The following MTUS1 variants were observed in gnomAD, a reference collection of about 807,000 sequenced individuals.
MTUS1 encodes microtubule associated scaffold protein 1.
In MTUS1, 109 loss-of-function variants were observed where a neutral mutation model predicts 120.8. The ratio of observed to expected loss-of-function variants is 0.90; its 90% CI spans 0.77 to 1.06. MTUS1 has a LOEUF of 1.06. Among genes scored for constraint, MTUS1 ranks in the 50% least tolerant of loss-of-function variants. The pLI is 0.00. For synonymous variants in MTUS1, 737 were observed against 550.5 expected (o/e 1.34, Z -4.74); for missense variants, 2,210 against 1,486.3 (o/e 1.49, Z -8.01).
chr8:17,700,804 A>T (rs1418570690), intron 6 of MTUS1, among the ~76,000 whole-genome samples: 6 of 152,248 alleles, frequency 3.9e-5, no homozygotes, highest in Non-Finnish European at 8.8e-5. Flanking sequence ...ACAAAGAAAA[A>T]TAAACGATGT....
At chr8:17,659,953 C>G (rs1475778913) in intron 8 of MTUS1, among the ~76,000 whole-genome samples, 2 of 152,124 alleles carry the variant, frequency 1.3e-5, no homozygotes, top group African/African-American at 4.8e-5. Flanking sequence ...CATTCAGTAC[C>G]TCATATACCT....
intron 1 of MTUS1, among the ~76,000 whole-genome samples, chr8:17,759,217 A>C (rs933802541): frequency 1.3e-5 from 2 of 151,900 alleles, no homozygotes; most frequent in African/African-American, 2.4e-5. Flanking sequence ...TAAGAGGATA[A>C]ATAATTTTAT....
chr8:17,653,514 G>C lies in MTUS1; in HGVS notation c.3215-16C>G. ...TTCTTAATTTCTGGGAAAATAAACG[G>C]ATATTTTTGAGGCAATAACATTCTA... On this transcript the variant is annotated splice_polypyrimidine_tract_variant and intron_variant, in intron 10 of 14. Coordinates refer to ENST00000693296, the MANE Select transcript of MTUS1 (RefSeq NM_001363059.2). The C allele has an allele frequency of 1.3e-6, 2 of 1,576,154 alleles. No homozygotes were observed. The highest frequency in any genetic ancestry group is 1.7e-6 in the Non-Finnish European group (2 of 1,149,374).
At chr8:17,762,751 C>G (rs1325711307) in intron 1 of MTUS1, among the ~76,000 whole-genome samples, 3 of 151,410 alleles carry the variant, frequency 2.0e-5, no homozygotes, top group Non-Finnish European at 4.4e-5. Flanking sequence ...CAGTATTTCT[C>G]TGACTTTAAT....
At position 17,684,524 on chromosome 8, in the gene MTUS1, T is replaced by C. The variant is rs769198881; in HGVS notation, c.2642A>G (p.Lys881Arg). Residue 881 changes from lysine to arginine, a missense_variant, in exon 7 of 15, where the codon AAG becomes AGG. Transcript: ENST00000693296. ...ALNAVEKSRQ[K>R]NPRSLCIQPQ... ...CTGGATACATAAGCTTCGAGGATTC[T>C]TTTGCCTGCTCTTTTCAACTGCAAA... 1.9e-6 allele frequency: 3 copies of C among 1,613,746 alleles called. No homozygotes were observed. The highest frequency in any genetic ancestry group is 2.2e-5 in the South Asian group (2 of 91,080).
intron 8 of MTUS1, 90 bp from the exon 9 acceptor site, chr8:17,656,155 C>G: frequency 8.8e-7 from 1 of 1,136,556 alleles, no homozygotes; most frequent in Non-Finnish European, 1.3e-6. Flanking sequence ...TGTGATGACA[C>G]CTGAAGCATA....
chr8:17,648,433 G>C (rs1222858444), intron 13 of MTUS1, among the ~76,000 whole-genome samples: 1 of 152,164 alleles, frequency 6.6e-6, no homozygotes, highest in Non-Finnish European at 1.5e-5. Context: ...TTTTTTGAAA[G>C]TTTTGATGCA....
intron 4 of MTUS1, among the ~76,000 whole-genome samples, chr8:17,717,097 T>A (rs1822484577): frequency 6.6e-6 from 1 of 152,214 alleles, no homozygotes; most frequent in South Asian, 2.1e-4. Context: ...ACATTCAAAC[T>A]TTGTACAGGC....
intron 6 of MTUS1, among the ~76,000 whole-genome samples, chr8:17,687,180 C>A (rs907831339): frequency 6.6e-6 from 1 of 152,170 alleles, no homozygotes; most frequent in African/African-American, 2.4e-5. Flanking sequence ...AGACTGCCCT[C>A]TCCGTGGCGC....
chr8:17,711,659 C>T (rs1821324949), intron 6 of MTUS1, among the ~76,000 whole-genome samples: 1 of 152,152 alleles, frequency 6.6e-6, no homozygotes. Flanking sequence ...TAATTTTCTT[C>T]AAGAACTTTT....
intron 1 of MTUS1, among the ~76,000 whole-genome samples, chr8:17,769,881 TACACACACACACAC>T (rs56287929): frequency 0.011 from 1,078 of 99,586 alleles, 15 homozygotes; most frequent in African/African-American, 0.026. Context: ...ACTCTTTGCT[TACACACACACACAC>T]ACACACACAC....
intron 6 of MTUS1, among the ~76,000 whole-genome samples, chr8:17,710,117 A>G (rs955073334): frequency 1.1e-4 from 16 of 152,174 alleles, no homozygotes; most frequent in African/African-American, 3.6e-4. Flanking sequence ...TCTTGCCTCA[A>G]TGTTGGTGGC....
At position 17,723,868 on chromosome 8, in the gene MTUS1, C is replaced by G. The variant is rs905364338; in HGVS notation, c.2288-35G>C. ...TAAAAAAAACAAAAAGTTTCCAGTG[C>G]TATTCATCCCGAAAGCTGGCACTTT... On this transcript the variant is annotated intron_variant, in intron 3 of 14. Coordinates refer to ENST00000693296, the MANE Select transcript of MTUS1 (RefSeq NM_001363059.2). 2.4e-5 allele frequency: 36 copies of G among 1,502,326 alleles called. 1 individual carries two copies. The highest frequency in any genetic ancestry group is 3.1e-5 in the Non-Finnish European group (35 of 1,123,354). The allele number at this position is 1,502,326 out of a possible 1,614,324, so 93.1% of individuals were successfully genotyped here.
chr8:17,730,466 G>A (rs990117436), intron 3 of MTUS1, among the ~76,000 whole-genome samples: 3 of 134,790 alleles, frequency 2.2e-5, no homozygotes, highest in Admixed American at 1.6e-4. Flanking sequence ...GCCTGGGCAA[G>A]AGAGCAAGAC....
At chr8:17,773,772 A>C (rs1025804560) in intron 1 of MTUS1, among the ~76,000 whole-genome samples, 5 of 152,074 alleles carry the variant, frequency 3.3e-5, no homozygotes, top group South Asian at 2.1e-4. Context: ...AATCATAGCA[A>C]TGGAGCACCA....
At chr8:17,788,341 A>C (rs972635137) in intron 1 of MTUS1, among the ~76,000 whole-genome samples, 24 of 152,166 alleles carry the variant, frequency 1.6e-4, no homozygotes, top group Admixed American at 1.4e-3. Context: ...TCTTATTGGA[A>C]TCTACAGATT....
chr8:17,746,669 T>C (rs2047776656), intron 2 of MTUS1, among the ~76,000 whole-genome samples: 1 of 152,192 alleles, frequency 6.6e-6, no homozygotes, highest in Non-Finnish European at 1.5e-5. Context: ...TTACAGGAGC[T>C]ACAATTCAAG....
At chr8:17,697,136 C>G in intron 6 of MTUS1, 2 of 1,289,030 alleles carry the variant, frequency 1.6e-6, no homozygotes, top group Non-Finnish European at 2.1e-6. Context: ...CCTCATCTCT[C>G]ATTAGAGAGA....
Position 17,755,951 on chromosome 8 carries a change from T to C in MTUS1, c.-144A>G, listed in dbSNP as rs2048577148. On this transcript the variant is annotated 5_prime_UTR_variant, in exon 2 of 15. Coordinates refer to ENST00000693296, the MANE Select transcript of MTUS1 (RefSeq NM_001363059.2). The stretch of plus-strand genomic sequence containing the variant: ...CTAAGATGCTCTGAAGATTAAATGA[T>C]TTGTTGTTCCCTGGAAGAAATAAAA... 7.0e-7 allele frequency: 1 copy of C among 1,425,754 alleles called. No homozygotes were observed. The highest frequency in any genetic ancestry group is 9.1e-7 in the Non-Finnish European group (1 of 1,095,872). The allele number at this position is 1,425,754 out of a possible 1,614,324, so 88.3% of individuals were successfully genotyped here. A position where few individuals can be genotyped will look rare whatever the true frequency, so the allele number is the denominator to read the frequency against.
Sources: gnomAD v4.1 joint callset for allele counts (sites outside exome capture counted in the v4.1 genomes callset) on GRCh38, gnomAD v4.1.1 for gene constraint, MANE v1.5 for transcripts, NCBI Gene and HGNC (gene_info 2026-07-23, HGNC 2026-07-21) for gene names.